Variants in LDAH observed in about 807,000 individuals in gnomAD.
LDAH encodes the protein lipid droplet associated hydrolase, also known as lipid droplet-associated hydrolase.
LDAH carries 26 observed loss-of-function variants against 29.6 expected under a neutral mutation model. That is an observed-to-expected ratio of 0.88 (90% CI 0.64 to 1.22). The LOEUF is 1.22. Among genes scored for constraint, LDAH ranks in the 50% most tolerant of loss-of-function variants. LDAH has a pLI of 0.00. For synonymous variants in LDAH, 117 were observed against 133.0 expected (o/e 0.88, Z 0.83); for missense variants, 344 against 387.3 (o/e 0.89, Z 0.94).
At chr2:20,768,695 G>A (rs1039765701) in intron 4 of LDAH, among the ~76,000 whole-genome samples, 3 of 152,192 alleles carry the variant, frequency 2.0e-5, no homozygotes, top group Non-Finnish European at 4.4e-5. Flanking sequence ...GGCCAGAACA[G>A]CAACACCCCA....
At position 20,685,623 on chromosome 2, in the gene LDAH, T is replaced by C; in HGVS notation, c.*1280A>G. On this transcript the variant is annotated 3_prime_UTR_variant, in exon 7 of 7. Coordinates refer to ENST00000237822, the MANE Select transcript of LDAH (RefSeq NM_021925.4). ...ATTTGAGCGGAGGGACATCTCATTG[T>C]CCTTAGGGAATGATAATGCCATGAG... The C allele has an allele frequency of 9.7e-6, 15 of 1,550,480 alleles. No individual in the cohort carries two copies. The highest frequency in any genetic ancestry group is 1.3e-5 in the Non-Finnish European group (15 of 1,146,976).
chr2:20,780,978 A>T (rs1414058253), intron 3 of LDAH, among the ~76,000 whole-genome samples: 1 of 151,802 alleles, frequency 6.6e-6, no homozygotes, highest in East Asian at 1.9e-4. Flanking sequence ...TATTTGGGGG[A>T]CTGCAGTGAG....
In LDAH at chr2:20,808,997, C is replaced by T. The variant is rs114883348; in HGVS notation, c.-2-7532G>A. ...GTATATTATAGATCTAAATGTGAAA[C>T]GTGAACAATAAAGCTTCCAAAAGAT... On this transcript the variant is annotated intron_variant, in intron 1 of 6. Transcript: ENST00000237822. Among the ~76,000 whole-genome samples the T allele has an allele frequency of 6.2e-3, 945 of 152,180 alleles. 9 individuals are homozygous for T. Among genetic ancestry groups the T allele is most frequent in the African/African-American group, 0.02 (813 of 41,506 alleles).
chr2:20,725,572 T>G (rs1182274966), intron 5 of LDAH, among the ~76,000 whole-genome samples: 3 of 152,216 alleles, frequency 2.0e-5, no homozygotes, highest in Non-Finnish European at 4.4e-5. Flanking sequence ...CTCAAGACCA[T>G]CTTGCAGTGT....
At chr2:20,749,114 G>A (rs942191331) in intron 4 of LDAH, among the ~76,000 whole-genome samples, 1 of 152,154 alleles carries the variant, frequency 6.6e-6, no homozygotes, top group African/African-American at 2.4e-5. Context: ...TGGAGACACA[G>A]GGGTGACAAG....
intron 4 of LDAH, among the ~76,000 whole-genome samples, chr2:20,744,988 C>G (rs1197529836): frequency 6.6e-6 from 1 of 152,096 alleles, no homozygotes; most frequent in Non-Finnish European, 1.5e-5. Context: ...TCCCTGTGTC[C>G]TCCCCTATCC....
intron 1 of LDAH, among the ~76,000 whole-genome samples, chr2:20,819,551 T>G (rs1042431477): frequency 2.6e-5 from 4 of 152,166 alleles, no homozygotes; most frequent in Non-Finnish European, 5.9e-5. Context: ...AGAAAAGGCC[T>G]TTGACAAGAT....
At chr2:20,700,331 G>C in intron 6 of LDAH, among the ~76,000 whole-genome samples, 1 of 151,912 alleles carries the variant, frequency 6.6e-6, no homozygotes. Flanking sequence ...ATGGCCATGA[G>C]ACAAAACAAC....
chr2:20,801,458 G>A lies in LDAH; in HGVS notation c.6C>T (p.Asp2=), dbSNP rs752701073. The A allele has an allele frequency of 1.9e-6, 3 of 1,613,682 alleles. No individual in the cohort carries two copies. The highest frequency in any genetic ancestry group is 2.5e-6 in the Non-Finnish European group (3 of 1,179,740). The change falls in exon 2 of 7, where the codon GAC becomes GAT. Residue 2 remains aspartate (D), a synonymous_variant. Coordinates refer to ENST00000237822, the MANE Select transcript of LDAH (RefSeq NM_021925.4). ...CAGGAATTTCTTCCTTGAGTTCTGA[G>A]TCCATTTCTAAATAAGGGGAGAAAA... The part of the protein sequence containing the change: M[D]SELKEEIPVH...
At chr2:20,804,586 T>C (rs944444425) in intron 1 of LDAH, among the ~76,000 whole-genome samples, 3 of 152,228 alleles carry the variant, frequency 2.0e-5, no homozygotes, top group Non-Finnish European at 4.4e-5. Flanking sequence ...AAAACTGCTC[T>C]AAGTTGGTTA....
chr2:20,751,367 G>C (rs1326006659), intron 4 of LDAH, among the ~76,000 whole-genome samples: 1 of 152,176 alleles, frequency 6.6e-6, no homozygotes, highest in Non-Finnish European at 1.5e-5. Flanking sequence ...ACTGGTTCCA[G>C]TTAGTCCTCC....
At chr2:20,706,890 G>A (rs1664344401) in intron 5 of LDAH, among the ~76,000 whole-genome samples, 2 of 152,146 alleles carry the variant, frequency 1.3e-5, no homozygotes, top group Non-Finnish European at 2.9e-5. Context: ...AGCAGAGCTT[G>A]GTAATCTCCC....
At chr2:20,704,618 T>C (rs1419515121) in intron 5 of LDAH, among the ~76,000 whole-genome samples, 2 of 152,222 alleles carry the variant, frequency 1.3e-5, no homozygotes, top group African/African-American at 4.8e-5. Context: ...TACAGATTTA[T>C]TTGAAAAGAT....
At chr2:20,700,926 A>G (rs1183911231) in intron 6 of LDAH, among the ~76,000 whole-genome samples, 1 of 152,198 alleles carries the variant, frequency 6.6e-6, no homozygotes, top group Non-Finnish European at 1.5e-5. Flanking sequence ...AGTGGCTATA[A>G]TATTAGTACA....
At chr2:20,716,851 G>A (rs1388744319) in intron 5 of LDAH, among the ~76,000 whole-genome samples, 1 of 151,714 alleles carries the variant, frequency 6.6e-6, no homozygotes, top group East Asian at 1.9e-4. Flanking sequence ...TTCGGAATTG[G>A]ATTTTTTTTT....
At chr2:20,713,660 C>T (rs1220325590) in intron 5 of LDAH, among the ~76,000 whole-genome samples, 3 of 152,120 alleles carry the variant, frequency 2.0e-5, no homozygotes, top group Admixed American at 6.5e-5. Context: ...CAGAGACACA[C>T]ATAGGCTCAA....
intron 3 of LDAH, among the ~76,000 whole-genome samples, chr2:20,780,663 G>A (rs1374033527): frequency 6.6e-6 from 1 of 152,160 alleles, no homozygotes; most frequent in Non-Finnish European, 1.5e-5. Flanking sequence ...CAAGAGAGGA[G>A]CGCACAATCT....
intron 5 of LDAH, among the ~76,000 whole-genome samples, chr2:20,721,576 C>T (rs1237600859): frequency 6.6e-6 from 1 of 151,808 alleles, no homozygotes; most frequent in Non-Finnish European, 1.5e-5. Context: ...AAAAAAAAAC[C>T]CCACAATTAG....
chr2:20,722,377 C>CA lies in LDAH; in HGVS notation c.703+17593dup, dbSNP rs141440507. 5.0e-3 allele frequency among the ~76,000 whole-genome samples: 354 copies of CA among 70,530 alleles called. 9 individuals are homozygous for CA. Among genetic ancestry groups the CA allele is most frequent in the East Asian group, 0.015 (35 of 2,294 alleles). 46.3% of individuals were successfully genotyped at this position (70,530 alleles called of 152,430 possible). A position where few individuals can be genotyped will look rare whatever the true frequency, so the allele number is the denominator to read the frequency against. On this transcript the variant is annotated intron_variant, in intron 5 of 6. Coordinates refer to ENST00000237822, the MANE Select transcript of LDAH (RefSeq NM_021925.4). The stretch of plus-strand genomic sequence containing the variant: ...CCTGGGCGACAGAATGAAACTGTCT[C>CA]AAAAAAAAAAAAAAAAAAAAAAAGT...
Sources: allele counts gnomAD v4.1 joint callset (sites outside exome capture counted in the v4.1 genomes callset), GRCh38; gene constraint gnomAD v4.1.1; transcripts MANE v1.5; gene names NCBI Gene and HGNC (gene_info 2026-07-23, HGNC 2026-07-21).